R3HDM2: variants seen among roughly 807,000 people sequenced by gnomAD.
R3HDM2 encodes the protein R3H domain-containing protein 2.
R3HDM2 carries 38 observed loss-of-function variants against 124.5 expected under a neutral mutation model. The ratio of observed to expected loss-of-function variants is 0.31; its 90% CI spans 0.24 to 0.40. The LOEUF is 0.40. Ranked by LOEUF, R3HDM2 falls within the 10% of genes least tolerant of loss-of-function variation. R3HDM2 has a pLI of 1.00. For missense variants in R3HDM2, 869 were observed against 1,236.9 expected, an observed-to-expected ratio of 0.70 and a Z score of 4.46; for synonymous variants, 391 against 448.0, an observed-to-expected ratio of 0.87 and a Z score of 1.61.
At chr12:57,366,295 T>C (rs188782670) in intron 2 of R3HDM2, among the ~76,000 whole-genome samples, 3 of 152,184 alleles carry the variant, frequency 2.0e-5, no homozygotes, top group Admixed American at 1.3e-4. Flanking sequence ...GCTGGGATTA[T>C]GTGTTGGTAT....
chr12:57,400,470 T>G (rs1396877593), intron 1 of R3HDM2, among the ~76,000 whole-genome samples: 8 of 152,048 alleles, frequency 5.3e-5, no homozygotes, highest in African/African-American at 1.9e-4. Context: ...CATTAGGAGA[T>G]ATACCTAACG....
At chr12:57,393,103 A>ATT (rs1307066758) in intron 2 of R3HDM2, among the ~76,000 whole-genome samples, 3 of 117,686 alleles carry the variant, frequency 2.5e-5, no homozygotes, top group Non-Finnish European at 3.5e-5. Context: ...TGCGCCAGGC[A>ATT]TTTTTTTTTT....
At chr12:57,420,438 C>CT (rs1445762179) in intron 1 of R3HDM2, among the ~76,000 whole-genome samples, 1 of 151,808 alleles carries the variant, frequency 6.6e-6, no homozygotes, top group Non-Finnish European at 1.5e-5. Context: ...CCTACTTGGT[C>CT]TTTCTACCAC....
At chr12:57,415,727 C>T (rs1429438538) in intron 1 of R3HDM2, among the ~76,000 whole-genome samples, 2 of 152,128 alleles carry the variant, frequency 1.3e-5, no homozygotes, top group African/African-American at 4.8e-5. Context: ...GATAAAGTCA[C>T]ATTATGTGCA....
intron 18 of R3HDM2, among the ~76,000 whole-genome samples, chr12:57,267,858 C>G (rs958598126): frequency 6.6e-6 from 1 of 152,066 alleles, no homozygotes; most frequent in Non-Finnish European, 1.5e-5. Context: ...TTCTAAGGTG[C>G]CTTCTACCAC....
intron 14 of R3HDM2, among the ~76,000 whole-genome samples, chr12:57,278,647 T>C: frequency 6.6e-6 from 1 of 152,180 alleles, no homozygotes; most frequent in East Asian, 1.9e-4. Context: ...AAGGACACTA[T>C]GCTTCAGTAG....
intron 19 of R3HDM2, among the ~76,000 whole-genome samples, chr12:57,262,097 A>T (rs1292869764): frequency 6.6e-6 from 1 of 152,160 alleles, no homozygotes; most frequent in Non-Finnish European, 1.5e-5. Context: ...CAGAAATCAC[A>T]TCTATGGAAA....
chr12:57,376,836 A>G (rs1054685618), intron 2 of R3HDM2, among the ~76,000 whole-genome samples: 1 of 152,022 alleles, frequency 6.6e-6, no homozygotes, highest in Non-Finnish European at 1.5e-5. Context: ...CTGTAATCCC[A>G]GCTACTTGGG....
intron 23 of R3HDM2, 84 bp from the exon 24 acceptor site, chr12:57,255,197 C>A: frequency 8.8e-7 from 1 of 1,133,454 alleles, no homozygotes; most frequent in Non-Finnish European, 1.3e-6. Flanking sequence ...AAGTGTCCAG[C>A]TGACTAAGTC....
intron 19 of R3HDM2, among the ~76,000 whole-genome samples, chr12:57,264,307 G>A (rs2041727735): frequency 7.0e-6 from 1 of 142,508 alleles, no homozygotes; most frequent in Non-Finnish European, 1.5e-5. Context: ...TGTAATCCTA[G>A]CACTTTGGGA....
At chr12:57,407,926 C>T (rs1046116144) in intron 1 of R3HDM2, among the ~76,000 whole-genome samples, 1 of 151,522 alleles carries the variant, frequency 6.6e-6, no homozygotes, top group Non-Finnish European at 1.5e-5. Flanking sequence ...CCACCACATC[C>T]AGCTAATTTT....
At chr12:57,313,105 A>C (rs2054260069) in intron 2 of R3HDM2, among the ~76,000 whole-genome samples, 1 of 152,122 alleles carries the variant, frequency 6.6e-6, no homozygotes. Flanking sequence ...TTCATGGATC[A>C]TTTGCTATAC....
intron 1 of R3HDM2, among the ~76,000 whole-genome samples, chr12:57,400,983 T>C (rs1046343668): frequency 6.6e-6 from 1 of 151,940 alleles, no homozygotes; most frequent in African/African-American, 2.4e-5. Flanking sequence ...TTTAAGTAAG[T>C]AAGCTTTGTT....
At chr12:57,421,866 G>C (rs979263105) in intron 1 of R3HDM2, among the ~76,000 whole-genome samples, 11 of 152,066 alleles carry the variant, frequency 7.2e-5, no homozygotes, top group Admixed American at 6.6e-5. Context: ...GGAGGCCAAG[G>C]GGGGCGGATC....
intron 11 of R3HDM2, 61 bp from the exon 12 acceptor site, chr12:57,289,101 A>G (rs2048052914): frequency 2.7e-6 from 4 of 1,454,710 alleles, no homozygotes; most frequent in East Asian, 2.5e-5. Context: ...ATGACCGAAA[A>G]GGATGTCCAT....
chr12:57,271,934 C>T (rs2043681225), intron 14 of R3HDM2, among the ~76,000 whole-genome samples: 1 of 151,350 alleles, frequency 6.6e-6, no homozygotes, highest in Non-Finnish European at 1.5e-5. Context: ...CTCTGTTGTC[C>T]AGGCTGGAGT....
chr12:57,262,181 A>G (rs2041048495), intron 19 of R3HDM2, among the ~76,000 whole-genome samples: 1 of 152,098 alleles, frequency 6.6e-6, no homozygotes, highest in Non-Finnish European at 1.5e-5. Flanking sequence ...ATATCTTGGT[A>G]TTTTTCCTTT....
At chr12:57,256,246 G>T in intron 22 of R3HDM2, 168 bp downstream of exon 22, 2 of 861,832 alleles carry the variant, frequency 2.3e-6, no homozygotes, top group Non-Finnish European at 3.7e-6. Flanking sequence ...CCTCCCTCTT[G>T]GCATGGGGGT....
chr12:57,333,128 T>C (rs2058412705), intron 2 of R3HDM2, among the ~76,000 whole-genome samples: 3 of 152,122 alleles, frequency 2.0e-5, no homozygotes, highest in Admixed American at 2.0e-4. Flanking sequence ...AAAAGGAACA[T>C]GCCATGATCT....
Sources: gnomAD v4.1 joint callset for allele counts (sites outside exome capture counted in the v4.1 genomes callset) on GRCh38, gnomAD v4.1.1 for gene constraint, MANE v1.5 for transcripts, NCBI Gene and HGNC (gene_info 2026-07-23, HGNC 2026-07-21) for gene names.